The following SMAD9 variants were observed in gnomAD, a reference collection of about 807,000 sequenced individuals.
The protein encoded by SMAD9 is SMAD family member 9.
SMAD9 carries 36 observed loss-of-function variants against 46.1 expected under a neutral mutation model. The ratio of observed to expected loss-of-function variants is 0.78; its 90% CI spans 0.60 to 1.03. The LOEUF is 1.03. SMAD9 is among the 50% of genes least tolerant of loss of function. SMAD9 has a pLI of 0.00. For missense variants in SMAD9, 572 were observed against 599.8 expected (o/e 0.95, Z 0.48); for synonymous variants, 245 against 237.1 (o/e 1.03, Z -0.31).
intron 1 of SMAD9, among the ~76,000 whole-genome samples, chr13:36,899,519 C>T (rs1334634156): frequency 1.3e-5 from 2 of 152,184 alleles, no homozygotes; most frequent in Non-Finnish European, 2.9e-5. Context: ...GGCACCTGAG[C>T]ATGCCATTCA....
Position 36,912,004 on chromosome 13 carries a change from A to C in SMAD9, c.-187+8112T>G, listed in dbSNP as rs201683022. Among the ~76,000 whole-genome samples, 58 of 152,230 alleles carry C rather than the reference A, an allele frequency of 3.8e-4. 1 individual carries two copies. In the East Asian group the frequency reaches 0.01, roughly 27 times the overall value. ...ATTGCAGGTGTGAGCCACCGCACCC[A>C]GTCGGGGAAGCTCAGATTTTTATTT... On this transcript the variant is annotated intron_variant, in intron 1 of 6. Transcript: ENST00000379826.
chr13:36,854,248 T>C (rs984776922), intron 5 of SMAD9, among the ~76,000 whole-genome samples: 1 of 152,242 alleles, frequency 6.6e-6, no homozygotes, highest in Non-Finnish European at 1.5e-5. Context: ...TAAGGTCTCA[T>C]ATACTATTCC....
In SMAD9 at chr13:36,853,456, A is replaced by T; in HGVS notation, c.1223T>A (p.Leu408Gln). 1 of 1,614,180 alleles carries T rather than the reference A, an allele frequency of 6.2e-7. No homozygotes were observed. Among genetic ancestry groups the T allele is most frequent in the Non-Finnish European group, 8.5e-7 (1 of 1,180,018 alleles). ...VHHGFEVVYE[L>Q]TKMCTIRMSF... ...CATCCGGATAGTACACATCTTGGTC[A>T]GTTCATACACGACTTCAAAGCCGTG... is the stretch of plus-strand genomic sequence containing the variant. The change falls in exon 6 of 7, where the codon CTG becomes CAG. Residue 408 changes from leucine (L) to glutamine (Q), a missense_variant. Physicochemically the swap from Leu to Gln is moderately radical, Grantham distance 113. Transcript: ENST00000379826.
At chr13:36,873,337 C>T (rs927246458) in intron 2 of SMAD9, among the ~76,000 whole-genome samples, 1 of 151,940 alleles carries the variant, frequency 6.6e-6, no homozygotes, top group Non-Finnish European at 1.5e-5. Context: ...TTTTTTCCCC[C>T]AAGGCAAAAT....
chr13:36,913,527 A>G (rs1202054280), intron 1 of SMAD9, among the ~76,000 whole-genome samples: 1 of 152,250 alleles, frequency 6.6e-6, no homozygotes, highest in Non-Finnish European at 1.5e-5. Flanking sequence ...CAACTTTAAA[A>G]AAATAAAGTG....
chr13:36,885,948 T>A (rs2058441285), intron 1 of SMAD9, among the ~76,000 whole-genome samples: 1 of 152,166 alleles, frequency 6.6e-6, no homozygotes, highest in Admixed American at 6.5e-5. Flanking sequence ...AGTAGCTGAC[T>A]GTTCTCACTA....
chr13:36,886,810 G>A (rs1230316384), intron 1 of SMAD9, among the ~76,000 whole-genome samples: 1 of 152,212 alleles, frequency 6.6e-6, no homozygotes, highest in African/African-American at 2.4e-5. Context: ...GGCCACTCCA[G>A]GGGCTGTAGA....
intron 1 of SMAD9, among the ~76,000 whole-genome samples, chr13:36,899,958 C>G (rs933043148): frequency 6.6e-6 from 1 of 152,152 alleles, no homozygotes; most frequent in African/African-American, 2.4e-5. Context: ...TTGATTCACT[C>G]TAAGTAAAAG....
Position 36,879,379 on chromosome 13 carries a change from T to A in SMAD9, c.311A>T (p.His104Leu). The A allele has an allele frequency of 6.2e-7, 1 of 1,614,080 alleles. No homozygotes were observed. Among genetic ancestry groups the A allele is most frequent in the Non-Finnish European group, 8.5e-7 (1 of 1,180,022 alleles). The change falls in exon 2 of 7, where the codon CAC becomes CTC. Residue 104 changes from histidine to leucine, a missense_variant. Transcript: ENST00000379826. Reference sequence around the variant, plus strand: ...GCACTCCAGCGGCTTCAGCTCGTGGTGGGACTGCAGATCCGGCCAGCGCCA... The same window carrying A: ...GCACTCCAGCGGCTTCAGCTCGTGGAGGGACTGCAGATCCGGCCAGCGCCA... ...RVWRWPDLQS[H>L]HELKPLECCE...
intron 1 of SMAD9, among the ~76,000 whole-genome samples, chr13:36,913,267 A>T (rs1049017638): frequency 6.6e-6 from 1 of 152,108 alleles, no homozygotes; most frequent in Non-Finnish European, 1.5e-5. Context: ...TGCTTTCTTG[A>T]TCTCTTTCAC....
intron 2 of SMAD9, among the ~76,000 whole-genome samples, chr13:36,877,025 T>C (rs1375792251): frequency 2.6e-5 from 4 of 152,180 alleles, no homozygotes; most frequent in Admixed American, 6.6e-5. Flanking sequence ...ATTTACCATA[T>C]GTAAAACACT....
intron 1 of SMAD9, among the ~76,000 whole-genome samples, chr13:36,896,315 T>C (rs909636106): frequency 6.6e-6 from 1 of 152,098 alleles, no homozygotes; most frequent in Non-Finnish European, 1.5e-5. Context: ...GGATTTATTG[T>C]AGAGACAAGG....
chr13:36,914,779 T>C (rs1445585255), intron 1 of SMAD9, among the ~76,000 whole-genome samples: 1 of 152,188 alleles, frequency 6.6e-6, no homozygotes, highest in Non-Finnish European at 1.5e-5. Context: ...TAAATTTAGA[T>C]ACAAGAATTC....
At chr13:36,898,205 T>C (rs2058545566) in intron 1 of SMAD9, among the ~76,000 whole-genome samples, 1 of 151,910 alleles carries the variant, frequency 6.6e-6, no homozygotes, top group Non-Finnish European at 1.5e-5. Context: ...TTATTAGGGG[T>C]AGGTAACATA....
chr13:36,892,585 A>T (rs1296229746), intron 1 of SMAD9, among the ~76,000 whole-genome samples: 1 of 152,180 alleles, frequency 6.6e-6, no homozygotes, highest in Non-Finnish European at 1.5e-5. Flanking sequence ...TGACATCACC[A>T]ACTGTCCATA....
intron 3 of SMAD9, among the ~76,000 whole-genome samples, chr13:36,869,176 T>G (rs890473642): frequency 1.3e-5 from 2 of 151,922 alleles, no homozygotes; most frequent in African/African-American, 4.8e-5. Context: ...AAAAAATTTT[T>G]GAAAATAGAT....
chr13:36,901,602 A>AT (rs1482992569), intron 1 of SMAD9, among the ~76,000 whole-genome samples: 1 of 151,840 alleles, frequency 6.6e-6, no homozygotes. Flanking sequence ...TAATTTTTGT[A>AT]TTTTTAGTAC....
chr13:36,861,897 C>A (rs572189412), intron 5 of SMAD9, among the ~76,000 whole-genome samples: 1 of 151,662 alleles, frequency 6.6e-6, no homozygotes, highest in Non-Finnish European at 1.5e-5. Context: ...TCATTGTACT[C>A]CAGCCTGGGT....
intron 1 of SMAD9, among the ~76,000 whole-genome samples, chr13:36,881,046 A>G (rs2058398705): frequency 6.6e-6 from 1 of 152,192 alleles, no homozygotes; most frequent in African/African-American, 2.4e-5. Flanking sequence ...ATCACACACC[A>G]ATACATACAC....
Sources: allele counts gnomAD v4.1 joint callset (sites outside exome capture counted in the v4.1 genomes callset), GRCh38; gene constraint gnomAD v4.1.1; transcripts MANE v1.5; gene names NCBI Gene and HGNC (gene_info 2026-07-23, HGNC 2026-07-21).